RUNX1T1: variants seen among roughly 807,000 people sequenced by gnomAD.
RUNX1T1 encodes RUNX1 partner transcriptional co-repressor 1, also known as protein CBFA2T1.
Under a neutral mutation model 62.8 loss-of-function variants are expected in RUNX1T1, and 4 were observed. The observed-to-expected ratio is 0.06, with a 90% CI of 0.03 to 0.15. RUNX1T1 has a LOEUF of 0.15. RUNX1T1 is among the 10% of genes least tolerant of loss of function. The pLI, the probability that RUNX1T1 is intolerant of heterozygous loss-of-function variation, is 1.00. For missense variants in RUNX1T1, 508 were observed against 754.3 expected, an observed-to-expected ratio of 0.67 and a Z score of 3.82; for synonymous variants, 291 against 286.0, an observed-to-expected ratio of 1.02 and a Z score of -0.18.
chr8:91,998,065 A>G (rs950147133), intron 5 of RUNX1T1, among the ~76,000 whole-genome samples: 1 of 152,204 alleles, frequency 6.6e-6, no homozygotes, highest in South Asian at 2.1e-4. Flanking sequence ...CAGTTTGTTA[A>G]GATTGCCATA....
chr8:92,045,374 T>C (rs556565567), intron 1 of RUNX1T1, among the ~76,000 whole-genome samples: 25 of 152,262 alleles, frequency 1.6e-4, no homozygotes, highest in African/African-American at 5.8e-4. Flanking sequence ...ACTACCATGA[T>C]ACATTCCCAA....
chr8:91,966,163 C>CTATATA (rs60514195), intron 10 of RUNX1T1, among the ~76,000 whole-genome samples: 10 of 145,024 alleles, frequency 6.9e-5, no homozygotes, highest in African/African-American at 2.3e-4. Flanking sequence ...TATTGTATAA[C>CTATATA]TATATATATA....
intron 1 of RUNX1T1, among the ~76,000 whole-genome samples, chr8:92,028,875 C>T (rs1419029088): frequency 6.6e-6 from 1 of 151,840 alleles, no homozygotes; most frequent in Non-Finnish European, 1.5e-5. Context: ...TAAAAAAAAA[C>T]AAACAAAAAA....
At chr8:92,051,600 A>ACTCT (rs1360628177) in intron 1 of RUNX1T1, among the ~76,000 whole-genome samples, 1 of 145,366 alleles carries the variant, frequency 6.9e-6, no homozygotes. Flanking sequence ...ACACACACAC[A>ACTCT]CACTCTCTCT....
intron 2 of RUNX1T1, 49 bp from the exon 4 acceptor site, chr8:92,014,869 T>A (rs560365820): frequency 2.0e-6 from 3 of 1,519,410 alleles, no homozygotes; most frequent in Non-Finnish European, 2.6e-6. Context: ...ACAGAGAACA[T>A]GCATGAGGAA....
chr8:92,005,421 G>A (rs1820566716), intron 4 of RUNX1T1, 124 bp from the exon 6 acceptor site: 2 of 790,306 alleles, frequency 2.5e-6, no homozygotes, highest in South Asian at 1.9e-5. Flanking sequence ...TCAAATGCAT[G>A]CCATGGGCTG....
At chr8:92,022,763 A>G (rs1824366553) in intron 1 of RUNX1T1, among the ~76,000 whole-genome samples, 1 of 152,208 alleles carries the variant, frequency 6.6e-6, no homozygotes, top group African/African-American at 2.4e-5. Context: ...CAAATGGACT[A>G]AGACCATAGA....
At chr8:92,057,833 C>T (rs1012808207) in intron 1 of RUNX1T1, among the ~76,000 whole-genome samples, 1 of 152,162 alleles carries the variant, frequency 6.6e-6, no homozygotes, top group Non-Finnish European at 1.5e-5. Context: ...TATCAAAGAA[C>T]TGCAACTGTA....
rs965144514 is a variant in RUNX1T1, at chr8:92,007,617, A to G, written c.478-2320T>C. Among the ~76,000 whole-genome samples, 25 of 152,230 alleles carry G rather than the reference A, an allele frequency of 1.6e-4. 1 individual carries two copies. Among genetic ancestry groups the G allele is most frequent in the African/African-American group, 5.1e-4 (21 of 41,462 alleles). ...ACTACACACCTAGAATATATGGTAT[A>G]GTCTACGGCTCCTAGGCTATAAACA... On this transcript the variant is annotated intron_variant, in intron 4 of 10. Coordinates refer to ENST00000396218, the Ensembl canonical transcript of RUNX1T1.
intron 2 of RUNX1T1, 50 bp downstream of exon 3, chr8:92,017,176 T>G (rs759028636): frequency 1.5e-6 from 2 of 1,330,156 alleles, no homozygotes; most frequent in East Asian, 2.3e-5. Flanking sequence ...AGAAAAAAAT[T>G]TAATTTAAAC....
intron 2 of RUNX1T1, among the ~76,000 whole-genome samples, chr8:92,075,005 C>T (rs969850878): frequency 6.6e-6 from 1 of 152,146 alleles, no homozygotes; most frequent in African/African-American, 2.4e-5. Context: ...TTCCTGAGAA[C>T]TTTAAGAACA....
chr8:91,957,819 C>T (rs2130355958), downstream of RUNX1T1: 1 of 224,192 alleles, frequency 4.5e-6, no homozygotes, highest in Admixed American at 5.7e-5. Flanking sequence ...TGGTTATGTG[C>T]TTTCATTTCA....
rs1817908337 is a variant in RUNX1T1 at position 91,992,687 on chromosome 8, C to T, written c.660-798G>A. Among the ~76,000 whole-genome samples, 3 of 152,094 alleles carry T rather than the reference C, an allele frequency of 2.0e-5. No homozygotes were observed. In the South Asian group the frequency reaches 6.2e-4, roughly 32 times the overall value. On this transcript the variant is annotated intron_variant, in intron 5 of 10. Coordinates refer to ENST00000396218, the Ensembl canonical transcript of RUNX1T1. ...GGCCTAGAAGGAAGATCTAGGTCAA[C>T]CCCCTTATTTTAAAGTTGAGGAAAC...
At chr8:91,959,454 G>GTATATATA (rs1246194007) in exon 11 of RUNX1T1, 13 of 120,896 alleles carry the variant, frequency 1.1e-4, no homozygotes, top group African/African-American at 8.7e-4. Context: ...GTGTGTGTGT[G>GTATATATA]TGTGTGTGTG....
intron 10 of RUNX1T1, among the ~76,000 whole-genome samples, chr8:91,962,328 C>T (rs1189448345): frequency 6.6e-6 from 1 of 152,148 alleles, no homozygotes; most frequent in Non-Finnish European, 1.5e-5. Context: ...AAAACAAAAA[C>T]TTAAAATCTC....
intron 2 of RUNX1T1, among the ~76,000 whole-genome samples, chr8:92,070,528 C>T (rs991515188): frequency 2.0e-5 from 3 of 152,054 alleles, no homozygotes; most frequent in African/African-American, 4.8e-5. Flanking sequence ...CATCACAAGG[C>T]GCACCAGGCT....
intron 1 of RUNX1T1, among the ~76,000 whole-genome samples, chr8:92,076,358 C>A (rs1834419234): frequency 6.6e-6 from 1 of 152,084 alleles, no homozygotes; most frequent in Non-Finnish European, 1.5e-5. Context: ...TTCCAATCAT[C>A]TGACTCAAAG....
At chr8:92,101,108 A>T (rs1333834106), upstream of RUNX1T1, among the ~76,000 whole-genome samples, 6 of 152,238 alleles carry the variant, frequency 3.9e-5, no homozygotes, top group Admixed American at 3.9e-4. Flanking sequence ...GGCAATGATA[A>T]TAAAAGCTAC....
At chr8:92,037,876 G>A (rs1827715929) in intron 1 of RUNX1T1, among the ~76,000 whole-genome samples, 2 of 151,912 alleles carry the variant, frequency 1.3e-5, no homozygotes, top group Non-Finnish European at 2.9e-5. Flanking sequence ...TATTTTTTAA[G>A]ACTTACTATT....
Sources: allele counts gnomAD v4.1 joint callset (sites outside exome capture counted in the v4.1 genomes callset), GRCh38; gene constraint gnomAD v4.1.1; transcripts MANE v1.5; gene names NCBI Gene and HGNC (gene_info 2026-07-23, HGNC 2026-07-21).